Variants in MTA3 observed in about 807,000 individuals in gnomAD.
MTA3 encodes metastasis-associated protein MTA3.
A neutral mutation model predicts 83.5 loss-of-function variants in MTA3; 34 were observed. The ratio of observed to expected loss-of-function variants is 0.41; its 90% CI spans 0.31 to 0.54. The LOEUF is 0.54. MTA3 is among the 20% of genes least tolerant of loss of function. MTA3 has a pLI of 0.33. For missense variants in MTA3, 761 were observed against 726.4 expected, an observed-to-expected ratio of 1.05 and a Z score of -0.55; for synonymous variants, 303 against 252.7, an observed-to-expected ratio of 1.20 and a Z score of -1.89.
At chr2:42,634,734 G>A (rs1687019847) in intron 4 of MTA3, among the ~76,000 whole-genome samples, 1 of 151,508 alleles carries the variant, frequency 6.6e-6, no homozygotes, top group Non-Finnish European at 1.5e-5. Context: ...CATTTGCTTG[G>A]TTCCAACTCT....
rs145893193 is a variant in MTA3 at position 42,691,701 on chromosome 2, G to T, written c.892-4064G>T. Among the ~76,000 whole-genome samples, 18 of 152,192 alleles carry T rather than the reference G, an allele frequency of 1.2e-4. No homozygotes were observed. In the South Asian group the frequency reaches 1.4e-3, roughly 12 times the overall value. Reference sequence around the variant, plus strand: ...TCCCTTTAGCACTTCTTATTGGACAGGTCTAGTGTTGATGAAATCCTTCAG... The same window carrying T: ...TCCCTTTAGCACTTCTTATTGGACATGTCTAGTGTTGATGAAATCCTTCAG... On this transcript the variant is annotated intron_variant, in intron 9 of 16. Transcript: ENST00000405094.
intron 4 of MTA3, among the ~76,000 whole-genome samples, chr2:42,638,402 T>C (rs1333371455): frequency 6.6e-6 from 1 of 152,104 alleles, no homozygotes; most frequent in East Asian, 1.9e-4. Flanking sequence ...TTCTTTTTTT[T>C]TTTTGAGACA....
intron 2 of MTA3, among the ~76,000 whole-genome samples, chr2:42,541,212 G>C (rs1676504484): frequency 6.6e-6 from 1 of 152,044 alleles, no homozygotes; most frequent in Admixed American, 6.6e-5. Flanking sequence ...TGTATTTTTA[G>C]TAGAGATGGG....
intron 16 of MTA3, among the ~76,000 whole-genome samples, chr2:42,729,576 A>G (rs1668107386): frequency 6.6e-6 from 1 of 152,168 alleles, no homozygotes; most frequent in Non-Finnish European, 1.5e-5. Context: ...ATTGTTTTAA[A>G]TGAGTTTAAA....
intron 4 of MTA3, among the ~76,000 whole-genome samples, chr2:42,631,812 C>G (rs1433952059): frequency 6.6e-6 from 1 of 152,000 alleles, no homozygotes; most frequent in Non-Finnish European, 1.5e-5. Context: ...GCCTCAGCCT[C>G]CCAAGTAGCT....
At chr2:42,537,960 C>G (rs899944648) in intron 2 of MTA3, among the ~76,000 whole-genome samples, 3 of 152,150 alleles carry the variant, frequency 2.0e-5, no homozygotes, top group Admixed American at 1.3e-4. Context: ...AGGCCAGGCA[C>G]AGTGGCTCAT....
At chr2:42,512,794 G>C (rs1385007216) in intron 2 of MTA3, among the ~76,000 whole-genome samples, 7 of 152,164 alleles carry the variant, frequency 4.6e-5, no homozygotes, top group Admixed American at 4.6e-4. Flanking sequence ...TATGGAAAGG[G>C]AGAAATTGTA....
chr2:42,523,583 T>C (rs939026644), intron 2 of MTA3, among the ~76,000 whole-genome samples: 1 of 152,110 alleles, frequency 6.6e-6, no homozygotes, highest in Non-Finnish European at 1.5e-5. Flanking sequence ...TCAGCGTTTG[T>C]TCTTTAAGCC....
At chr2:42,734,945 T>A (rs1332679540) in intron 16 of MTA3, among the ~76,000 whole-genome samples, 3 of 152,232 alleles carry the variant, frequency 2.0e-5, no homozygotes, top group African/African-American at 7.2e-5. Flanking sequence ...TTGTAGTTAT[T>A]ATTTTTGATA....
At position 42,568,654 on chromosome 2, in the gene MTA3, G is replaced by GGCGGCGGCA. The variant is rs902337421; in HGVS notation, c.-84_-76dup. The GGCGGCGGCA allele has an allele frequency of 1.7e-5, 16 of 939,204 alleles. No homozygotes were observed. Among genetic ancestry groups the GGCGGCGGCA allele is most frequent in the Admixed American group, 4.9e-5 (1 of 20,482 alleles). 58.2% of individuals were successfully genotyped at this position (939,204 alleles called of 1,614,324 possible). ...CCCGTGGCGAGGCAGCAGCGACGGC[G>GGCGGCGGCA]GCGGCGGCAGCGGCGGTCGCGGCTG... On this transcript the variant is annotated 5_prime_UTR_variant, in exon 1 of 17. Transcript: ENST00000405094.
chr2:42,606,577 A>G (rs1357344253), intron 3 of MTA3, among the ~76,000 whole-genome samples: 1 of 134,590 alleles, frequency 7.4e-6, no homozygotes, highest in African/African-American at 2.9e-5. Context: ...CCGGGCGGAG[A>G]CGCTCCTCAC....
intron 2 of MTA3, among the ~76,000 whole-genome samples, chr2:42,530,221 G>A (rs927592675): frequency 1.2e-4 from 18 of 151,428 alleles, no homozygotes; most frequent in Admixed American, 2.6e-4. Flanking sequence ...CCGGCATGGT[G>A]GCTCCTGCCT....
In MTA3 at chr2:42,502,797, C is replaced by CAAAAAAAAAAAA. The variant is rs3039405; in HGVS notation, c.-141+7548_-141+7559dup. On this transcript the variant is annotated intron_variant, in intron 2 of 17. Coordinates refer to the MTA3 transcript ENST00000405592. Reference sequence around the variant, plus strand: ...GGGCAACAAGAACAAAACTCTGTCTCAAAAAAAAAAAAAAAATTAGCCGGG... The same window carrying CAAAAAAAAAAAA: ...GGGCAACAAGAACAAAACTCTGTCTCAAAAAAAAAAAAAAAAAAAAAAAAAAAATTAGCCGGG... Among the ~76,000 whole-genome samples the CAAAAAAAAAAAA allele has an allele frequency of 1.4e-4, 12 of 85,338 alleles. 1 individual carries two copies. Among genetic ancestry groups the CAAAAAAAAAAAA allele is most frequent in the East Asian group, 6.6e-4 (2 of 3,022 alleles). 56.0% of individuals were successfully genotyped at this position (85,338 alleles called of 152,430 possible).
chr2:42,610,595 G>A (rs993310316), intron 4 of MTA3, among the ~76,000 whole-genome samples: 2 of 152,142 alleles, frequency 1.3e-5, no homozygotes, highest in African/African-American at 2.4e-5. Flanking sequence ...ATCTACTGGT[G>A]GTGATCAAAT....
chr2:42,544,705 T>G (rs544553949), intron 2 of MTA3, among the ~76,000 whole-genome samples: 8 of 151,708 alleles, frequency 5.3e-5, no homozygotes, highest in Admixed American at 3.9e-4. Flanking sequence ...AAAAAAACAG[T>G]GATATTCCTT....
At chr2:42,749,914 A>G (rs111565315) in intron 16 of MTA3, among the ~76,000 whole-genome samples, 195 of 152,332 alleles carry the variant, frequency 1.3e-3, no homozygotes, top group African/African-American at 4.3e-3. Context: ...AAGAAAAAAC[A>G]ACATACTATG....
At chr2:42,555,745 G>A (rs573469413) in intron 2 of MTA3, among the ~76,000 whole-genome samples, 137 of 151,758 alleles carry the variant, frequency 9.0e-4, no homozygotes, top group Admixed American at 3.3e-3. Context: ...TCCAGCCTGC[G>A]CAACAGAGCG....
intron 5 of MTA3, among the ~76,000 whole-genome samples, chr2:42,642,248 C>G (rs185838503): frequency 1.1e-3 from 164 of 152,138 alleles, no homozygotes; most frequent in Non-Finnish European, 1.6e-3. Context: ...TTATATGACC[C>G]AAATAATCAT....
chr2:42,642,789 TGCCTGCCACCACAC>T (rs1687812095), intron 5 of MTA3, among the ~76,000 whole-genome samples: 1 of 10,414 alleles, frequency 9.6e-5, no homozygotes, highest in Admixed American at 1.5e-3. Flanking sequence ...GGATTACAGG[TGCCTGCCACCACAC>T]CCGGCTGATT....
Sources: gnomAD v4.1 joint callset for allele counts (sites outside exome capture counted in the v4.1 genomes callset) on GRCh38, gnomAD v4.1.1 for gene constraint, MANE v1.5 for transcripts, NCBI Gene and HGNC (gene_info 2026-07-23, HGNC 2026-07-21) for gene names.